SYNE1: variants seen among roughly 807,000 people sequenced by gnomAD.
SYNE1 encodes spectrin repeat containing nuclear envelope protein 1.
A neutral mutation model predicts 1,111.0 loss-of-function variants in SYNE1; 616 were observed. The observed-to-expected ratio is 0.55, with a 90% CI of 0.52 to 0.59. SYNE1 has a LOEUF of 0.59. SYNE1 is among the 20% of genes least tolerant of loss of function. SYNE1 has a pLI of 0.00. For synonymous variants in SYNE1, 3,855 were observed against 3,825.8 expected, an observed-to-expected ratio of 1.01 and a Z score of -0.28; for missense variants, 10,006 against 10,417.0, an observed-to-expected ratio of 0.96 and a Z score of 1.72.
chr6:152,330,761 T>C lies in SYNE1; in HGVS notation c.13924A>G (p.Ser4642Gly), dbSNP rs1238229270. The change falls in exon 78 of 146, where the codon AGT (serine) becomes GGT (glycine). Residue 4642 changes from serine to glycine, a missense_variant. Physicochemically the swap from Ser to Gly is moderately conservative, Grantham distance 56. Around this residue, in one of 7 missense-constraint regions of SYNE1, gnomAD observed 4,955 missense variants for 5,017.2 expected, o/e 0.99. Transcript: ENST00000367255. The part of the protein sequence containing the change: ...SLNEVDHSYL[S>G]EKLNALPRQF... The stretch of plus-strand genomic sequence containing the variant: ...CGAGGCAAAGCATTTAGCTTTTCAC[T>C]GAGGTAGGAATGATCGACTTCATTC... 1.9e-6 allele frequency: 3 copies of C among 1,614,032 alleles called. No individual in the cohort carries two copies. Among genetic ancestry groups the C allele is most frequent in the Non-Finnish European group, 2.5e-6 (3 of 1,180,050 alleles).
At chr6:152,232,339 T>A in intron 112 of SYNE1, 74 bp from the exon 113 acceptor site, 2 of 1,485,404 alleles carry the variant, frequency 1.3e-6, no homozygotes, top group Non-Finnish European at 1.9e-6. Flanking sequence ...TTAAAAACCC[T>A]ACAATAATTC....
At chr6:152,122,782 C>G in intron 145 of SYNE1, 106 bp from the exon 146 acceptor site, 2 of 1,556,916 alleles carry the variant, frequency 1.3e-6, no homozygotes, top group Non-Finnish European at 1.7e-6. Flanking sequence ...GCCAAGCACA[C>G]CCCAGCCTGG....
chr6:152,536,992 T>G (rs1488378779), intron 4 of SYNE1, among the ~76,000 whole-genome samples: 6 of 152,182 alleles, frequency 3.9e-5, no homozygotes, highest in Non-Finnish European at 8.8e-5. Flanking sequence ...GCTGATAAGC[T>G]AGATGTGAGT....
In SYNE1 at chr6:152,255,025, T is replaced by C; in HGVS notation, c.19325A>G (p.Gln6442Arg). 6.2e-7 allele frequency: 1 copy of C among 1,613,160 alleles called. No homozygotes were observed. Residue 6442 changes from glutamine to arginine, a missense_variant, in exon 104 of 146, where the codon CAA becomes CGA. Physicochemically the swap from Gln to Arg is conservative, Grantham distance 43 (BLOSUM62 1). Around this residue, in one of 7 missense-constraint regions of SYNE1, gnomAD observed 2,182 missense variants for 2,287.8 expected, o/e 0.95. Transcript: ENST00000367255. Reference protein sequence around the residue: ...EMDKNKNLFSQAFPENGDNRD... With the variant: ...EMDKNKNLFSRAFPENGDNRD... Reference sequence around the variant, plus strand: ...ATTATCACCATTCTCTGGAAAAGCTTGGGAAAACAAGTTTTTGTTCTTATC... The same window carrying C: ...ATTATCACCATTCTCTGGAAAAGCTCGGGAAAACAAGTTTTTGTTCTTATC...
intron 133 of SYNE1, among the ~76,000 whole-genome samples, chr6:152,152,775 T>G (rs1384615223): frequency 6.6e-6 from 1 of 152,234 alleles, no homozygotes; most frequent in Non-Finnish European, 1.5e-5. Flanking sequence ...ATTTGGAACA[T>G]GCTCTGTTTC....
chr6:152,592,130 A>C (rs1027759299), intron 3 of SYNE1, among the ~76,000 whole-genome samples: 8 of 152,158 alleles, frequency 5.3e-5, no homozygotes, highest in African/African-American at 1.7e-4. Context: ...AAAGAACTTA[A>C]AACAAATCTA....
rs1165453132 is a variant in SYNE1 at position 152,354,709 on chromosome 6, T to C, written c.10876A>G (p.Arg3626Gly). The change falls in exon 67 of 146, where the codon AGA (arginine) becomes GGA (glycine). Residue 3626 changes from arginine (R) to glycine (G), a missense_variant. Transcript: ENST00000367255. ...TTGGTTGCCCTGTTAGACTGACGTC[T>C]GGTCCTGGGACTAACTTTCTCCTCT... ...TAEEKVSPRTRRQSNRATKEI... is the reference protein window; with the variant it reads ...TAEEKVSPRTGRQSNRATKEI... The C allele has an allele frequency of 3.7e-6, 6 of 1,614,130 alleles. No individual in the cohort carries two copies. The African/African-American group carries it at 8.0e-5, about 22-fold the overall frequency.
chr6:152,453,480 G>A, intron 25 of SYNE1, 106 bp downstream of exon 25: 1 of 1,558,636 alleles, frequency 6.4e-7, no homozygotes. Flanking sequence ...AATAGTTACA[G>A]TGACTTTCCA....
intron 60 of SYNE1, 112 bp downstream of exon 60, chr6:152,369,359 T>C (rs748108403): frequency 6.6e-7 from 1 of 1,517,244 alleles, no homozygotes; most frequent in Non-Finnish European, 9.1e-7. Context: ...AAACACACTA[T>C]GTCTCACGGC....
intron 3 of SYNE1, among the ~76,000 whole-genome samples, chr6:152,585,856 G>C (rs2099536592): frequency 6.6e-6 from 1 of 152,208 alleles, no homozygotes; most frequent in Admixed American, 6.5e-5. Context: ...GTCAGTTGCA[G>C]ACAAATGTAT....
intron 121 of SYNE1, among the ~76,000 whole-genome samples, chr6:152,216,919 AG>A (rs1195964567): frequency 6.6e-6 from 1 of 151,778 alleles, no homozygotes; most frequent in Non-Finnish European, 1.5e-5. Flanking sequence ...AAAAATTAGC[AG>A]GGCATGGTGG....
Position 152,232,106 on chromosome 6 carries a change from T to C in SYNE1, c.20862+10A>G, listed in dbSNP as rs533407131. On this transcript the variant is annotated intron_variant, in intron 113 of 145. Coordinates refer to ENST00000367255, the MANE Select transcript of SYNE1 (RefSeq NM_182961.4). ...AATATGAAAAGTTAAAAACAAAAAA[T>C]TTTAATTACCTTATATTTCTGAAGG... 3 of 1,560,908 alleles carry C rather than the reference T, an allele frequency of 1.9e-6. No homozygotes were observed. In the South Asian group the frequency reaches 3.4e-5, roughly 18 times the overall value.
chr6:152,620,933 C>G (rs2099674027), intron 3 of SYNE1, among the ~76,000 whole-genome samples: 1 of 152,082 alleles, frequency 6.6e-6, no homozygotes. Flanking sequence ...ATACACACAA[C>G]CCAATACAAA....
chr6:152,370,770 T>A lies in SYNE1; in HGVS notation c.9508-1156A>T, dbSNP rs189210361. Among the ~76,000 whole-genome samples, 83 of 152,314 alleles carry A rather than the reference T, an allele frequency of 5.4e-4. 1 individual carries two copies. In the East Asian group the frequency reaches 8.5e-3, roughly 16 times the overall value. On this transcript the variant is annotated intron_variant, in intron 59 of 145. Coordinates refer to ENST00000367255, the MANE Select transcript of SYNE1 (RefSeq NM_182961.4). ...GAGTACATAAAGGTTAGCTGAAGAA[T>A]CTAAGTGGCAAGAGCTAATGAAACT...
chr6:152,555,787 G>A (rs182257900), intron 3 of SYNE1, among the ~76,000 whole-genome samples: 365 of 152,220 alleles, frequency 2.4e-3, no homozygotes, highest in African/African-American at 8.4e-3. Context: ...TGAGTTATAA[G>A]AATGCATGAT....
rs532823045 is a variant in SYNE1 at position 152,188,874 on chromosome 6, C to T, written c.23301+378G>A. Among the ~76,000 whole-genome samples, 28 of 142,424 alleles carry T rather than the reference C, an allele frequency of 2.0e-4. No homozygotes were observed. The East Asian group carries it at 2.2e-3, about 11-fold the overall frequency. 93.4% of individuals were successfully genotyped at this position (142,424 alleles called of 152,430 possible). On this transcript the variant is annotated intron_variant, in intron 128 of 145. Transcript: ENST00000367255. ...TTGGGAGGCTGAGGCAGGAGAATGG[C>T]GTGAACCTGGGAGGTGGAGCTTGCA...
intron 96 of SYNE1, 84 bp downstream of exon 96, chr6:152,283,894 A>C (rs2153731499): frequency 1.7e-6 from 2 of 1,144,798 alleles, no homozygotes; most frequent in Non-Finnish European, 2.6e-6. Context: ...GAAAATGTAA[A>C]TACGTAAGTA....
At chr6:152,345,583 T>G (rs1406522549) in intron 73 of SYNE1, among the ~76,000 whole-genome samples, 3 of 152,286 alleles carry the variant, frequency 2.0e-5, no homozygotes, top group African/African-American at 4.8e-5. Flanking sequence ...GTGAATTTTT[T>G]TTTTTAAGTC....
At chr6:152,378,123 A>G (rs963973395) in intron 56 of SYNE1, among the ~76,000 whole-genome samples, 2 of 152,250 alleles carry the variant, frequency 1.3e-5, no homozygotes, top group Non-Finnish European at 2.9e-5. Flanking sequence ...CACAGTTCCT[A>G]GCACACTAAG....
Sources: gnomAD v4.1 joint callset for allele counts (sites outside exome capture counted in the v4.1 genomes callset) on GRCh38, gnomAD v4.1.1 for gene constraint, gnomAD v4.1.1 regional missense constraint, MANE v1.5 for transcripts, NCBI Gene and HGNC (gene_info 2026-07-23, HGNC 2026-07-21) for gene names.